The following TNFRSF1B variants were observed in gnomAD, a reference collection of about 807,000 sequenced individuals.
TNFRSF1B encodes the protein tumor necrosis factor receptor superfamily member 1B.
A neutral mutation model predicts 44.6 loss-of-function variants in TNFRSF1B; 19 were observed. The observed-to-expected ratio is 0.43, with a 90% CI of 0.30 to 0.62. The LOEUF is 0.62. Ranked by LOEUF, TNFRSF1B falls within the 20% of genes least tolerant of loss-of-function variation. TNFRSF1B has a pLI of 0.16. For synonymous variants in TNFRSF1B, 252 were observed against 261.1 expected (o/e 0.97, Z 0.34); for missense variants, 541 against 619.9 (o/e 0.87, Z 1.35).
rs1049391961 is a variant in TNFRSF1B, at chr1:12,169,553, A to C, written c.78+2384A>C. On this transcript the variant is annotated intron_variant, in intron 1 of 9. Transcript: ENST00000376259. This position sits in a 1 kb window ranked among gnomAD's most constrained non-coding sequence, Gnocchi z 4.5. Reference sequence around the variant, plus strand: ...CCTCCCCGTGCCCGTATCTGCACTCATGCTCCCAGCCAGGCCCTCACACAC... The same window carrying C: ...CCTCCCCGTGCCCGTATCTGCACTCCTGCTCCCAGCCAGGCCCTCACACAC... 1.3e-5 allele frequency among the ~76,000 whole-genome samples: 2 copies of C among 152,108 alleles called. No homozygotes were observed. The highest frequency in any genetic ancestry group is 2.9e-5 in the Non-Finnish European group (2 of 68,012).
chr1:12,202,991 G>A (rs1639425636), intron 9 of TNFRSF1B, among the ~76,000 whole-genome samples: 1 of 152,222 alleles, frequency 6.6e-6, no homozygotes, highest in Admixed American at 6.5e-5. Context: ...CATTTATGCA[G>A]GCTGCATTGT....
intron 6 of TNFRSF1B, among the ~76,000 whole-genome samples, chr1:12,193,682 G>C (rs1309606505): frequency 1.3e-5 from 2 of 152,222 alleles, no homozygotes; most frequent in Non-Finnish European, 2.9e-5. Context: ...AGCCCATTAG[G>C]CTAAGAAGAC....
chr1:12,191,952 A>G, intron 4 of TNFRSF1B, 29 bp downstream of exon 4: 5 of 1,599,152 alleles, frequency 3.1e-6, no homozygotes, highest in Non-Finnish European at 4.3e-6. Flanking sequence ...GTCCTTGGGG[A>G]CGCCCATGGG....
chr1:12,183,710 A>ATCT (rs1301598195), intron 1 of TNFRSF1B, among the ~76,000 whole-genome samples: 1 of 96,324 alleles, frequency 1.0e-5, no homozygotes, highest in African/African-American at 3.5e-5. Context: ...CTATCTATCT[A>ATCT]TTCTATCTAC....
chr1:12,201,050 C>T (rs932831774), intron 8 of TNFRSF1B, among the ~76,000 whole-genome samples: 14 of 151,884 alleles, frequency 9.2e-5, no homozygotes, highest in African/African-American at 3.4e-4. Context: ...CCCAGGAGTA[C>T]AAGACCAGCC....
At position 12,206,743 on chromosome 1, in the gene TNFRSF1B, C is replaced by T. The variant is rs75299314; in HGVS notation, c.1109C>T (p.Ser370Phe). ...EARASTGSSD[S>F]SPGGHGTQVN... ...CACCCCATCTTGTGCTTAGCAGATT[C>T]TTCCCCTGGTGGCCATGGGACCCAG... Residue 370 changes from serine to phenylalanine, a missense_variant, in exon 10 of 10, where the codon TCT becomes TTT. By Grantham distance (155) the Ser-to-Phe change is radical. Transcript: ENST00000376259. 6.3e-7 allele frequency: 1 copy of T among 1,584,630 alleles called. No homozygotes were observed. Among genetic ancestry groups the T allele is most frequent in the East Asian group, 2.3e-5 (1 of 44,196 alleles).
intron 1 of TNFRSF1B, among the ~76,000 whole-genome samples, chr1:12,185,047 AG>A (rs1450875565): frequency 3.3e-5 from 5 of 152,166 alleles, no homozygotes; most frequent in Non-Finnish European, 7.4e-5. Context: ...AGCAGCCTTC[AG>A]GGAAGGCAGT....
At chr1:12,190,880 T>G (rs1437912068) in intron 2 of TNFRSF1B, 77 bp from the exon 3 acceptor site, 7 of 1,549,474 alleles carry the variant, frequency 4.5e-6, no homozygotes, top group Non-Finnish European at 6.1e-6. Context: ...ACTCTGGACT[T>G]TGTGGGGACA....
Position 12,192,276 on chromosome 1 carries a change from C to CTGTGTG in TNFRSF1B, c.458-129_458-124dup, listed in dbSNP as rs4044500. The CTGTGTG allele has an allele frequency of 5.0e-3, 3,460 of 688,666 alleles. 52 individuals are homozygous for CTGTGTG. Among genetic ancestry groups the CTGTGTG allele is most frequent in the African/African-American group, 0.047 (2,590 of 55,432 alleles). 42.7% of individuals were successfully genotyped at this position (688,666 alleles called of 1,614,324 possible). ...TGTGTGTGCATGTGTGTACAGGCAT[C>CTGTGTG]TGTGTGTGTGTGTGTGTGTGTGTGT... On this transcript the variant is annotated intron_variant, in intron 4 of 9. Coordinates refer to ENST00000376259, the MANE Select transcript of TNFRSF1B (RefSeq NM_001066.3).
chr1:12,190,074 A>G (rs1275284659), intron 2 of TNFRSF1B, among the ~76,000 whole-genome samples: 10 of 152,156 alleles, frequency 6.6e-5, no homozygotes, highest in South Asian at 2.1e-4. Context: ...CTGGGAGCCA[A>G]TGGAGGGCTT....
rs1230180721 is a variant in TNFRSF1B, at chr1:12,191,850, G to A, written c.384G>A (p.Leu128=). 6.2e-7 allele frequency: 1 copy of A among 1,612,588 alleles called. No individual in the cohort carries two copies. Among genetic ancestry groups the A allele is most frequent in the Non-Finnish European group, 8.5e-7 (1 of 1,179,758 alleles). Residue 128 remains leucine, a synonymous_variant, in exon 4 of 10, where the codon CTG becomes CTA. Transcript: ENST00000376259. The stretch of plus-strand genomic sequence containing the variant: ...GCAGGCCCGGCTGGTACTGCGCGCT[G>A]AGCAAGCAGGAGGGGTGCCGGCTGT... ...CTCRPGWYCA[L]SKQEGCRLCA...
rs1270208483 is a variant in TNFRSF1B, at chr1:12,180,912, T to C, written c.79-7884T>C. ...ACCCAGACTCTGTTTTGGGGTCACA[T>C]TACCCTTCCAGTGTTCCTCTGAGCA... is the stretch of plus-strand genomic sequence containing the variant. On this transcript the variant is annotated intron_variant, in intron 1 of 9. Coordinates refer to ENST00000376259, the MANE Select transcript of TNFRSF1B (RefSeq NM_001066.3). The surrounding 1 kb of genome is among the most constrained non-coding windows in gnomAD (Gnocchi z 4.3). 6.6e-6 allele frequency among the ~76,000 whole-genome samples: 1 copy of C among 152,164 alleles called. No individual in the cohort carries two copies. The highest frequency in any genetic ancestry group is 2.4e-5 in the African/African-American group (1 of 41,430).
rs564627539 is a variant in TNFRSF1B at position 12,199,596 on chromosome 1, C to T, written c.901-2371C>T. Among the ~76,000 whole-genome samples, 46 of 152,262 alleles carry T rather than the reference C, an allele frequency of 3.0e-4. 1 individual carries two copies. The highest frequency in any genetic ancestry group is 9.4e-4 in the African/African-American group (39 of 41,560). ...CAGGTGTCCGAGAAGCCATGGGAGC[C>T]GGGGGCTGCAGGGATTGGACAGAGA... On this transcript the variant is annotated intron_variant, in intron 8 of 9. Coordinates refer to ENST00000376259, the MANE Select transcript of TNFRSF1B (RefSeq NM_001066.3). The surrounding 1 kb of genome is among the most constrained non-coding windows in gnomAD (Gnocchi z 4.0).
At position 12,178,082 on chromosome 1, in the gene TNFRSF1B, C is replaced by G. The variant is rs1209835071; in HGVS notation, c.79-10714C>G. ...CCAATGAGGTGGTGGTGGAGGAGAC[C>G]GTGAGCCGCTGTCACCTGAACACTG... On this transcript the variant is annotated intron_variant, in intron 1 of 9. Transcript: ENST00000376259. This position sits in a 1 kb window ranked among gnomAD's most constrained non-coding sequence, Gnocchi z 4.3. Among the ~76,000 whole-genome samples, 1 of 152,216 alleles carries G rather than the reference C, an allele frequency of 6.6e-6. No homozygotes were observed. The highest frequency in any genetic ancestry group is 2.4e-5 in the African/African-American group (1 of 41,458).
At position 12,171,027 on chromosome 1, in the gene TNFRSF1B, G is replaced by A. The variant is rs1463923919; in HGVS notation, c.78+3858G>A. Among the ~76,000 whole-genome samples the A allele has an allele frequency of 6.6e-6, 1 of 151,072 alleles. No homozygotes were observed. Among genetic ancestry groups the A allele is most frequent in the East Asian group, 1.9e-4 (1 of 5,144 alleles). On this transcript the variant is annotated intron_variant, in intron 1 of 9. Coordinates refer to ENST00000376259, the MANE Select transcript of TNFRSF1B (RefSeq NM_001066.3). This position sits in a 1 kb window ranked among gnomAD's most constrained non-coding sequence, Gnocchi z 4.5. Reference sequence around the variant, plus strand: ...TATTTAATTTTTTTTTATTGAGATAGAGTCTTACTCTGTCACCCAGGCTGG... The same window carrying A: ...TATTTAATTTTTTTTTATTGAGATAAAGTCTTACTCTGTCACCCAGGCTGG...
chr1:12,192,341 C>A, intron 4 of TNFRSF1B, 90 bp from the exon 5 acceptor site: 1 of 1,146,868 alleles, frequency 8.7e-7, no homozygotes, highest in Non-Finnish European at 1.3e-6. Context: ...CTCCTTGGGC[C>A]CCTCAGACCT....
chr1:12,184,755 T>C (rs1394686900), intron 1 of TNFRSF1B, among the ~76,000 whole-genome samples: 2 of 152,202 alleles, frequency 1.3e-5, no homozygotes, highest in African/African-American at 4.8e-5. Context: ...TGGGATTTCT[T>C]GCTGCCGCCT....
intron 1 of TNFRSF1B, among the ~76,000 whole-genome samples, chr1:12,175,242 C>T (rs543546868): frequency 7.2e-5 from 11 of 152,328 alleles, no homozygotes; most frequent in South Asian, 6.2e-4. Context: ...CATCTTGGCC[C>T]GGCCTCTGCT....
Position 12,187,318 on chromosome 1 carries a change from T to C in TNFRSF1B, c.79-1478T>C, listed in dbSNP as rs1639010077. 6.6e-6 allele frequency among the ~76,000 whole-genome samples: 1 copy of C among 152,110 alleles called. No homozygotes were observed. Among genetic ancestry groups the C allele is most frequent in the African/African-American group, 2.4e-5 (1 of 41,430 alleles). On this transcript the variant is annotated intron_variant, in intron 1 of 9. Transcript: ENST00000376259. This position sits in a 1 kb window ranked among gnomAD's most constrained non-coding sequence, Gnocchi z 5.5. ...ACAGGCACACGCCACTATGCCGGGA[T>C]AATTTTGTATTTTTAGTAGAGACAG...
Sources: allele counts gnomAD v4.1 joint callset (sites outside exome capture counted in the v4.1 genomes callset), GRCh38; gene constraint gnomAD v4.1.1; non-coding constraint Gnocchi (gnomAD v3.1); transcripts MANE v1.5; gene names NCBI Gene and HGNC (gene_info 2026-07-23, HGNC 2026-07-21).